The following MYO18B variants were observed in gnomAD, a reference collection of about 807,000 sequenced individuals.
MYO18B encodes the protein unconventional myosin-XVIIIb.
MYO18B carries 204 observed loss-of-function variants against 273.0 expected under a neutral mutation model. That is an observed-to-expected ratio of 0.75 (90% CI 0.67 to 0.84). The LOEUF is 0.84. Among genes scored for constraint, MYO18B ranks in the 40% least tolerant of loss-of-function variants. The pLI is 0.00. For synonymous variants in MYO18B, 1,330 were observed against 1,305.7 expected (o/e 1.02, Z -0.40); for missense variants, 3,212 against 3,287.6 (o/e 0.98, Z 0.56).
chr22:25,965,206 G>A (rs1413807288), intron 39 of MYO18B: 4 of 152,232 alleles, frequency 2.6e-5, no homozygotes, highest in African/African-American at 7.2e-5. Flanking sequence ...TATTTATTTG[G>A]TGTTACTTTG....
intron 25 of MYO18B, among the ~76,000 whole-genome samples, chr22:25,885,153 A>G (rs1461657284): frequency 1.3e-5 from 2 of 152,334 alleles, no homozygotes; most frequent in South Asian, 2.1e-4. Flanking sequence ...AGCTGCTGCG[A>G]TAAGTCCTCT....
At chr22:25,792,826 C>T (rs564267772) in intron 11 of MYO18B, among the ~76,000 whole-genome samples, 114 of 150,424 alleles carry the variant, frequency 7.6e-4, no homozygotes, top group Non-Finnish European at 1.4e-3. Flanking sequence ...GCTCCCGTTC[C>T]GGGAGGCAGA....
intron 14 of MYO18B, among the ~76,000 whole-genome samples, chr22:25,826,799 C>T (rs1356710122): frequency 1.3e-5 from 2 of 152,184 alleles, no homozygotes; most frequent in African/African-American, 2.4e-5. Flanking sequence ...GTGGCTCATG[C>T]CTGTAATCCC....
intron 18 of MYO18B, among the ~76,000 whole-genome samples, chr22:25,845,218 T>A (rs1233577895): frequency 6.6e-6 from 1 of 152,162 alleles, no homozygotes; most frequent in African/African-American, 2.4e-5. Context: ...GAACAGACAC[T>A]TGAAAAGCTG....
rs554386217 is a variant in MYO18B, at chr22:25,946,195, C to A, written c.5576C>A (p.Ala1859Glu). Residue 1859 changes from alanine (A) to glutamate (E), a missense_variant, in exon 35 of 44, where the codon GCG becomes GAG. Ala to Glu is a moderately radical substitution (Grantham distance 107, BLOSUM62 -1). Coordinates refer to ENST00000335473, the MANE Select transcript of MYO18B (RefSeq NM_032608.7). ...EALKTQKVLT[A>E]DLESMHSELE... is the part of the protein sequence containing the mutation. ...TTGAAGACGCAGAAGGTGCTCACAG[C>A]GGACCTGGAGAGCATGCACAGCGAG... The A allele has an allele frequency of 1.3e-6, 2 of 1,584,078 alleles. No homozygotes were observed. Among genetic ancestry groups the A allele is most frequent in the South Asian group, 1.2e-5 (1 of 85,920 alleles).
At chr22:25,948,641 G>C (rs188774962) in intron 36 of MYO18B, among the ~76,000 whole-genome samples, 6 of 149,274 alleles carry the variant, frequency 4.0e-5, no homozygotes, top group Non-Finnish European at 8.9e-5. Context: ...CTGAATCCTT[G>C]CCATGTGTTA....
intron 25 of MYO18B, among the ~76,000 whole-genome samples, chr22:25,887,031 T>A (rs1278449217): frequency 1.3e-5 from 2 of 152,194 alleles, no homozygotes; most frequent in Admixed American, 6.5e-5. Flanking sequence ...AATGAACAGA[T>A]CTTTCTGTGC....
At chr22:25,982,193 A>C (rs2093155948) in intron 39 of MYO18B, among the ~76,000 whole-genome samples, 1 of 152,156 alleles carries the variant, frequency 6.6e-6, no homozygotes, top group Non-Finnish European at 1.5e-5. Flanking sequence ...GGGGATTACA[A>C]TTTACCATGA....
chr22:25,920,907 G>A (rs1981637021), intron 33 of MYO18B, among the ~76,000 whole-genome samples: 1 of 152,236 alleles, frequency 6.6e-6, no homozygotes, highest in Admixed American at 6.5e-5. Flanking sequence ...ACAAGATGAG[G>A]TGAGGTCACA....
chr22:25,982,801 G>A (rs2093163106), intron 39 of MYO18B, among the ~76,000 whole-genome samples: 1 of 152,184 alleles, frequency 6.6e-6, no homozygotes, highest in East Asian at 1.9e-4. Context: ...ATATCTGCAA[G>A]ATGCCTTTTG....
intron 29 of MYO18B, among the ~76,000 whole-genome samples, chr22:25,900,066 T>C (rs1221806871): frequency 2.0e-5 from 3 of 152,210 alleles, no homozygotes; most frequent in African/African-American, 7.2e-5. Flanking sequence ...CTGTCTGGTC[T>C]TTCCTTTTCC....
Position 25,761,008 on chromosome 22 carries a change from G to T in MYO18B, c.-85G>T. ...GTTCTGTGTCCATCTCATGTGCTGC[G>T]TGTGTCTGTAAAGCCTCATTCCGTG... is the stretch of plus-strand genomic sequence containing the variant. On this transcript the variant is annotated 5_prime_UTR_variant, in exon 2 of 44. Coordinates refer to ENST00000335473, the MANE Select transcript of MYO18B (RefSeq NM_032608.7). The T allele has an allele frequency of 2.1e-6, 3 of 1,418,936 alleles. No homozygotes were observed. The highest frequency in any genetic ancestry group is 3.0e-6 in the Non-Finnish European group (3 of 1,006,992). 87.9% of individuals were successfully genotyped at this position (1,418,936 alleles called of 1,614,324 possible).
intron 39 of MYO18B, chr22:25,965,085 C>T (rs2092962699): frequency 6.6e-6 from 1 of 152,238 alleles, no homozygotes; most frequent in Non-Finnish European, 1.5e-5. Flanking sequence ...GTGATCTCCT[C>T]ACTGAGCCTG....
chr22:26,040,581 G>A, the MYO18B span, among the ~76,000 whole-genome samples: 136 of 152,350 alleles, frequency 8.9e-4, no homozygotes, highest in Non-Finnish European at 8.8e-4. Flanking sequence ...GGCATTGGAA[G>A]TGGTGCAGCG....
At chr22:25,937,086 AT>A (rs34738004) in intron 34 of MYO18B, among the ~76,000 whole-genome samples, 15,593 of 149,664 alleles carry the variant, frequency 0.1, 901 homozygotes, top group Middle Eastern at 0.18. Flanking sequence ...ATTCAGGAAG[AT>A]TTTTTTTTTT....
At chr22:25,817,383 C>T (rs949123462) in intron 12 of MYO18B, among the ~76,000 whole-genome samples, 1 of 88,106 alleles carries the variant, frequency 1.1e-5, no homozygotes, top group African/African-American at 3.9e-5. Context: ...TTCTCCCTCC[C>T]TCCCTCCCTC....
chr22:25,757,759 A>G (rs1335552705), intron 1 of MYO18B, among the ~76,000 whole-genome samples: 1 of 152,246 alleles, frequency 6.6e-6, no homozygotes, highest in Non-Finnish European at 1.5e-5. Flanking sequence ...ACCTTCCTCC[A>G]CTCAAGACCG....
At chr22:25,751,509 C>T (rs1443732301) in intron 1 of MYO18B, among the ~76,000 whole-genome samples, 1 of 152,208 alleles carries the variant, frequency 6.6e-6, no homozygotes, top group Non-Finnish European at 1.5e-5. Flanking sequence ...GATTGGTCCT[C>T]TCTTATCATC....
intron 24 of MYO18B, 58 bp from the exon 25 acceptor site, chr22:25,877,901 C>T: frequency 7.0e-7 from 1 of 1,437,724 alleles, no homozygotes. Context: ...ACTCCTAACA[C>T]AGGTGGAACT....
Sources: allele counts gnomAD v4.1 joint callset (sites outside exome capture counted in the v4.1 genomes callset), GRCh38; gene constraint gnomAD v4.1.1; transcripts MANE v1.5; gene names NCBI Gene and HGNC (gene_info 2026-07-23, HGNC 2026-07-21).